The following FBXO34 variants were observed in gnomAD, a reference collection of about 807,000 sequenced individuals.
FBXO34 encodes the protein F-box only protein 34.
A neutral mutation model predicts 24.5 loss-of-function variants in FBXO34; 12 were observed. That is an observed-to-expected ratio of 0.49 (90% CI 0.31 to 0.79). FBXO34 has a LOEUF of 0.79. Among genes scored for constraint, FBXO34 ranks in the 30% least tolerant of loss-of-function variants. The pLI, the probability that FBXO34 is intolerant of heterozygous loss-of-function variation, is 0.04. For synonymous variants in FBXO34, 320 were observed against 311.9 expected (o/e 1.03, Z -0.27); for missense variants, 823 against 857.7 (o/e 0.96, Z 0.51).
intron 1 of FBXO34, among the ~76,000 whole-genome samples, chr14:55,318,598 C>G (rs895500974): frequency 6.6e-6 from 1 of 150,700 alleles, no homozygotes; most frequent in Non-Finnish European, 1.5e-5. Context: ...CTCCTGGCCT[C>G]AAGTGATCCT....
chr14:55,368,566 T>A (rs1302939137), downstream of FBXO34: 2 of 152,096 alleles, frequency 1.3e-5, no homozygotes, highest in Admixed American at 6.6e-5. Context: ...CAGAGCAGAG[T>A]AGCATCAGCC....
the FBXO34 span, chr14:55,414,183 G>T: frequency 1.9e-6 from 1 of 538,456 alleles, no homozygotes; most frequent in South Asian, 2.4e-5. Context: ...TACTTGTTCA[G>T]TTTTTAAAAT....
intron 1 of FBXO34, among the ~76,000 whole-genome samples, chr14:55,307,218 G>A (rs1324695615): frequency 6.6e-6 from 1 of 152,050 alleles, no homozygotes; most frequent in African/African-American, 2.4e-5. Context: ...TCTTTTTTCC[G>A]CCCCTCTGTT....
At chr14:55,436,320 T>C in the FBXO34 span, among the ~76,000 whole-genome samples, 1 of 152,206 alleles carries the variant, frequency 6.6e-6, no homozygotes, top group African/African-American at 2.4e-5. Flanking sequence ...ATACAATCCT[T>C]CAAGAATGCA....
chr14:55,284,513 CAAA>C (rs777112072), intron 1 of FBXO34, among the ~76,000 whole-genome samples: 3 of 84,152 alleles, frequency 3.6e-5, no homozygotes, highest in African/African-American at 4.4e-5. Context: ...CCTCTGTCTC[CAAA>C]AAAAAAAAAA....
At chr14:55,432,048 A>C in the FBXO34 span, among the ~76,000 whole-genome samples, 3 of 152,346 alleles carry the variant, frequency 2.0e-5, no homozygotes, top group South Asian at 6.2e-4. Flanking sequence ...GGCAAAGCCA[A>C]ATGTAGAAAA....
At chr14:55,383,560 C>CA in the FBXO34 span, among the ~76,000 whole-genome samples, 5 of 150,244 alleles carry the variant, frequency 3.3e-5, no homozygotes, top group South Asian at 2.1e-4. Context: ...CAAAAAAACA[C>CA]AAAAAAACAA....
intron 1 of FBXO34, among the ~76,000 whole-genome samples, chr14:55,322,063 C>T (rs1043473555): frequency 4.6e-5 from 7 of 152,184 alleles, no homozygotes; most frequent in African/African-American, 1.7e-4. Context: ...TGGCTCACGC[C>T]TGTAATCCCA....
chr14:55,405,888 G>A, the FBXO34 span, among the ~76,000 whole-genome samples: 1 of 151,734 alleles, frequency 6.6e-6, no homozygotes, highest in Non-Finnish European at 1.5e-5. Flanking sequence ...GGGTGGGGTG[G>A]CGGGGGGGGC....
chr14:55,438,136 C>G, the FBXO34 span, among the ~76,000 whole-genome samples: 3 of 152,102 alleles, frequency 2.0e-5, no homozygotes, highest in African/African-American at 7.2e-5. Context: ...GCAGGAGAAA[C>G]TCAAAAAGAT....
chr14:55,369,597 G>GGTAT (rs1289636004), downstream of FBXO34: 1 of 1,472,280 alleles, frequency 6.8e-7, no homozygotes, highest in Admixed American at 2.3e-5. Flanking sequence ...ATGCAGATTT[G>GGTAT]GTATGTTTTG....
At chr14:55,377,855 A>G in the FBXO34 span, 3 of 1,602,624 alleles carry the variant, frequency 1.9e-6, no homozygotes, top group Non-Finnish European at 2.5e-6. Context: ...GACCAGGTAC[A>G]TTAGATTCCT....
intron 1 of FBXO34, among the ~76,000 whole-genome samples, chr14:55,318,573 A>G (rs576695771): frequency 6.7e-6 from 1 of 149,898 alleles, no homozygotes; most frequent in East Asian, 2.0e-4. Flanking sequence ...TATGTTACCC[A>G]GGGCTGGTCT....
the FBXO34 span, among the ~76,000 whole-genome samples, chr14:55,425,683 A>G: frequency 6.6e-6 from 1 of 152,178 alleles, no homozygotes; most frequent in Admixed American, 6.5e-5. Context: ...TTCAAGTCTC[A>G]TTTTAAATGT....
chr14:55,398,198 G>A, the FBXO34 span, among the ~76,000 whole-genome samples: 3 of 152,098 alleles, frequency 2.0e-5, no homozygotes, highest in East Asian at 1.9e-4. Context: ...TGGTCTGCCC[G>A]CCTCTGCCTC....
chr14:55,370,789 T>G (rs1594774853), downstream of FBXO34, among the ~76,000 whole-genome samples: 1 of 152,046 alleles, frequency 6.6e-6, no homozygotes, highest in Admixed American at 6.5e-5. Context: ...TACAGGCACC[T>G]GCCACCATGC....
chr14:55,435,240 G>A, the FBXO34 span, among the ~76,000 whole-genome samples: 3 of 152,030 alleles, frequency 2.0e-5, no homozygotes, highest in Non-Finnish European at 2.9e-5. Flanking sequence ...AAATTTGATG[G>A]CATTTTAAGA....
chr14:55,422,380 G>A, the FBXO34 span, among the ~76,000 whole-genome samples: 2 of 152,142 alleles, frequency 1.3e-5, no homozygotes, highest in Non-Finnish European at 2.9e-5. Context: ...TGAGTAGCTG[G>A]GATTACAGGC....
intron 1 of FBXO34, among the ~76,000 whole-genome samples, chr14:55,346,359 T>C (rs941880460): frequency 1.8e-4 from 28 of 152,198 alleles, no homozygotes; most frequent in Admixed American, 1.7e-3. Context: ...TGGCACAGTT[T>C]AGTGACTTGG....
Sources: gnomAD v4.1 joint callset for allele counts (sites outside exome capture counted in the v4.1 genomes callset) on GRCh38, gnomAD v4.1.1 for gene constraint, MANE v1.5 for transcripts, NCBI Gene and HGNC (gene_info 2026-07-23, HGNC 2026-07-21) for gene names.